The following ECPAS variants were observed in gnomAD, a reference collection of about 807,000 sequenced individuals.
The protein encoded by ECPAS is proteasome adapter and scaffold protein ECM29.
Under a neutral mutation model 255.1 loss-of-function variants are expected in ECPAS, and 70 were observed. The observed-to-expected ratio is 0.27, with a 90% CI of 0.23 to 0.33. The LOEUF (loss-of-function observed/expected upper bound fraction) is 0.33, where lower values mean the gene tolerates loss of function less well. Among genes scored for constraint, ECPAS ranks in the 10% least tolerant of loss-of-function variants. The pLI is 1.00. For missense variants in ECPAS, 1,817 were observed against 2,206.4 expected, an observed-to-expected ratio of 0.82 and a Z score of 3.54; for synonymous variants, 784 against 775.0, an observed-to-expected ratio of 1.01 and a Z score of -0.19.
chr9:111,476,538 C>G (rs529409492), intron 1 of ECPAS, among the ~76,000 whole-genome samples: 72 of 151,930 alleles, frequency 4.7e-4, no homozygotes, highest in African/African-American at 1.6e-3. Context: ...GGCAACATAC[C>G]CAAAAATCTA....
intron 2 of ECPAS, among the ~76,000 whole-genome samples, chr9:111,471,204 T>G (rs551162771): frequency 3.3e-5 from 5 of 152,270 alleles, no homozygotes; most frequent in African/African-American, 4.8e-5. Context: ...ATAATGACAT[T>G]AACACATCAA....
chr9:111,451,621 T>C, intron 2 of ECPAS, 66 bp from the exon 3 acceptor site: 1 of 1,421,024 alleles, frequency 7.0e-7, no homozygotes. Flanking sequence ...CAATTATTTT[T>C]ATAGCTTATT....
chr9:111,477,117 TC>T (rs1331030227), intron 1 of ECPAS, among the ~76,000 whole-genome samples: 3 of 151,370 alleles, frequency 2.0e-5, no homozygotes, highest in Non-Finnish European at 2.9e-5. Flanking sequence ...TTCTTTTTTT[TC>T]TTTTTTTTGA....
chr9:111,421,556 A>G (rs750331707), intron 15 of ECPAS, among the ~76,000 whole-genome samples: 2 of 152,088 alleles, frequency 1.3e-5, no homozygotes, highest in Non-Finnish European at 2.9e-5. Context: ...ACTCACTTTG[A>G]CATATGGAAT....
intron 38 of ECPAS, among the ~76,000 whole-genome samples, chr9:111,374,863 G>GT (rs1380325541): frequency 1.3e-5 from 2 of 152,108 alleles, no homozygotes; most frequent in Non-Finnish European, 2.9e-5. Flanking sequence ...AACCCAGAGG[G>GT]TATGTACACG....
At chr9:111,476,393 G>A (rs1431697353) in intron 1 of ECPAS, among the ~76,000 whole-genome samples, 1 of 152,062 alleles carries the variant, frequency 6.6e-6, no homozygotes, top group South Asian at 2.1e-4. Context: ...GTCTTGCATT[G>A]AATTTCATTT....
intron 9 of ECPAS, 117 bp from the exon 10 acceptor site, chr9:111,428,278 A>G (rs2098224649): frequency 1.1e-6 from 1 of 887,078 alleles, no homozygotes; most frequent in African/African-American, 1.7e-5. Context: ...ATCCCTTTAC[A>G]CTCTTAAAAA....
At chr9:111,364,049 A>C (rs2098117306) in intron 48 of ECPAS, among the ~76,000 whole-genome samples, 1 of 152,194 alleles carries the variant, frequency 6.6e-6, no homozygotes, top group South Asian at 2.1e-4. Flanking sequence ...TATATGACCC[A>C]GTGTTTAAGC....
chr9:111,426,106 C>T (rs139110966), intron 10 of ECPAS, among the ~76,000 whole-genome samples: 1 of 152,290 alleles, frequency 6.6e-6, no homozygotes, highest in East Asian at 1.9e-4. Context: ...AGTGGGTCAC[C>T]ACTCAGCTAT....
At chr9:111,407,952 A>G (rs1461746910) in intron 24 of ECPAS, among the ~76,000 whole-genome samples, 1 of 152,218 alleles carries the variant, frequency 6.6e-6, no homozygotes, top group East Asian at 1.9e-4. Flanking sequence ...AAGTAACTAA[A>G]GAATCTACCC....
intron 5 of ECPAS, among the ~76,000 whole-genome samples, chr9:111,441,162 A>C (rs1281490033): frequency 6.6e-6 from 1 of 151,356 alleles, no homozygotes; most frequent in Non-Finnish European, 1.5e-5. Flanking sequence ...AAAAAACAAA[A>C]ATAAAAATAA....
At position 111,369,190 on chromosome 9, in the gene ECPAS, A is replaced by G. The variant is rs1484516834; in HGVS notation, c.4975-17T>C. The G allele has an allele frequency of 6.7e-7, 1 of 1,488,330 alleles. No individual in the cohort carries two copies. Among genetic ancestry groups the G allele is most frequent in the East Asian group, 2.6e-5 (1 of 39,016 alleles). The allele number at this position is 1,488,330 out of a possible 1,614,324, so 92.2% of individuals were successfully genotyped here. ...AAGTGAGTTCTAGGATATATCAAAG[A>G]AAAGAAAATGTAATATTTTCTTCTT... is the stretch of plus-strand genomic sequence containing the variant. On this transcript the variant is annotated splice_polypyrimidine_tract_variant and intron_variant, in intron 45 of 49. Coordinates refer to ENST00000684092, the MANE Select transcript of ECPAS (RefSeq NM_001364929.1).
At chr9:111,470,561 C>T (rs2098286199) in intron 2 of ECPAS, among the ~76,000 whole-genome samples, 1 of 152,108 alleles carries the variant, frequency 6.6e-6, no homozygotes, top group Non-Finnish European at 1.5e-5. Context: ...CCGCCCGCCT[C>T]GGCCTCCCAA....
chr9:111,408,538 G>A (rs1162179822), intron 24 of ECPAS, 33 bp downstream of exon 24: 2 of 1,285,458 alleles, frequency 1.6e-6, no homozygotes, highest in Non-Finnish European at 2.1e-6. Context: ...CCTTTTCTCT[G>A]AATAACTAAC....
At chr9:111,475,326 G>A (rs1259806359) in intron 1 of ECPAS, among the ~76,000 whole-genome samples, 1 of 152,234 alleles carries the variant, frequency 6.6e-6, no homozygotes, top group African/African-American at 2.4e-5. Flanking sequence ...AACACTGGCA[G>A]TGACTTCAAT....
At chr9:111,415,662 C>T (rs1054842342) in intron 18 of ECPAS, among the ~76,000 whole-genome samples, 49 of 150,644 alleles carry the variant, frequency 3.3e-4, no homozygotes, top group Admixed American at 3.0e-3. Context: ...TCACGCCATT[C>T]ACTGTACTCC....
chr9:111,470,557 G>A (rs990468465), intron 2 of ECPAS, among the ~76,000 whole-genome samples: 5 of 152,024 alleles, frequency 3.3e-5, no homozygotes, highest in Non-Finnish European at 5.9e-5. Context: ...TGATCCGCCC[G>A]CCTCGGCCTC....
chr9:111,407,002 A>ATC (rs2098184955), intron 24 of ECPAS, among the ~76,000 whole-genome samples: 1 of 149,172 alleles, frequency 6.7e-6, no homozygotes, highest in East Asian at 2.0e-4. Context: ...TCATCATTTA[A>ATC]TCTCTCTACC....
chr9:111,470,229 C>T (rs2098285363), intron 2 of ECPAS, among the ~76,000 whole-genome samples: 1 of 152,184 alleles, frequency 6.6e-6, no homozygotes, highest in Non-Finnish European at 1.5e-5. Context: ...CAGGCAGATA[C>T]CCTAATCTGG....
Sources: gnomAD v4.1 joint callset for allele counts (sites outside exome capture counted in the v4.1 genomes callset) on GRCh38, gnomAD v4.1.1 for gene constraint, MANE v1.5 for transcripts, NCBI Gene and HGNC (gene_info 2026-07-23, HGNC 2026-07-21) for gene names.